The following CDCA5 variants were observed in gnomAD, a reference collection of about 807,000 sequenced individuals.
The protein encoded by CDCA5 is cell division cycle associated 5.
Under a neutral mutation model 25.7 loss-of-function variants are expected in CDCA5, and 14 were observed. The observed-to-expected ratio is 0.54, with a 90% CI of 0.36 to 0.85. CDCA5 has a LOEUF of 0.85. CDCA5 is among the 40% of genes least tolerant of loss of function. CDCA5 has a pLI of 0.01. For missense variants in CDCA5, 307 were observed against 324.5 expected, an observed-to-expected ratio of 0.95 and a Z score of 0.41; for synonymous variants, 127 against 128.7, an observed-to-expected ratio of 0.99 and a Z score of 0.09.
At chr11:65,070,944 C>CTTTTT (rs56999278) in intron 1 of CDCA5, among the ~76,000 whole-genome samples, 1 of 138,410 alleles carries the variant, frequency 7.2e-6, no homozygotes, top group African/African-American at 2.7e-5. Context: ...ATTTTCTTTT[C>CTTTTT]TTTTTTTTTT....
At chr11:65,066,451 C>G (rs1353981135) in exon 7 of CDCA5, 2 of 1,280,926 alleles carry the variant, frequency 1.6e-6, no homozygotes, top group Non-Finnish European at 2.0e-6. Context: ...AAGAGGAGAC[C>G]TGCCTTCCGG....
rs1489874907 is a variant in CDCA5 at position 65,083,109 on chromosome 11, C to A, written c.243+255G>T. The A allele has an allele frequency of 1.3e-5, 7 of 546,170 alleles. No individual in the cohort carries two copies. The African/African-American group carries it at 1.3e-4, about 10-fold the overall frequency. 33.8% of individuals were successfully genotyped at this position (546,170 alleles called of 1,614,324 possible). ...GGCATAATGGATTAGAAAGGCAGTA[C>A]GTGGAGTTAAGACATAGCTCAGCTT... On this transcript the variant is annotated intron_variant, in intron 4 of 5. Transcript: ENST00000275517.
chr11:65,078,940 T>TGCC lies in CDCA5; in HGVS notation c.*164_*166dup. 2 of 1,259,424 alleles carry TGCC rather than the reference T, an allele frequency of 1.6e-6. No individual in the cohort carries two copies. The highest frequency in any genetic ancestry group is 2.0e-6 in the Non-Finnish European group (2 of 1,003,954). The allele number at this position is 1,259,424 out of a possible 1,614,324, so 78.0% of individuals were successfully genotyped here. On this transcript the variant is annotated 3_prime_UTR_variant, in exon 6 of 6. Transcript: ENST00000275517. ...CCCCATTTCCTAAAACCAAGATGGCTGCCGCTGCTGCCCAAGCCCTCAAAG... is the reference window on the plus strand; with the variant it reads ...CCCCATTTCCTAAAACCAAGATGGCTGCCGCCGCTGCTGCCCAAGCCCTCAAAG...
At chr11:65,061,681 A>G (rs1196013215), downstream of CDCA5, among the ~76,000 whole-genome samples, 1 of 147,204 alleles carries the variant, frequency 6.8e-6, no homozygotes. Flanking sequence ...AGGCTGAGGC[A>G]GGAGAATGGC....
chr11:65,066,385 G>A (rs1947236365), exon 7 of CDCA5: 2 of 1,198,468 alleles, frequency 1.7e-6, no homozygotes, highest in African/African-American at 1.6e-5. Context: ...TCTGGCCTGG[G>A]GCCTGGCCAG....
At chr11:65,061,295 G>T in the CDCA5 span, among the ~76,000 whole-genome samples, 4 of 152,088 alleles carry the variant, frequency 2.6e-5, no homozygotes, top group African/African-American at 7.2e-5. Flanking sequence ...CTTGGAAATG[G>T]GTCCTCCAGC....
At position 65,079,796 on chromosome 11, in the gene CDCA5, G is replaced by A; in HGVS notation, c.244-9C>T. 1 of 1,459,278 alleles carries A rather than the reference G, an allele frequency of 6.9e-7. No homozygotes were observed. Among genetic ancestry groups the A allele is most frequent in the Non-Finnish European group, 9.1e-7 (1 of 1,103,534 alleles). 90.4% of individuals were successfully genotyped at this position (1,459,278 alleles called of 1,614,324 possible). ...TCCAAGAAAAAGGAAATCTGCACCA[G>A]GACAGAAGAGGGGATGCCCTCAATA... On this transcript the variant is annotated splice_polypyrimidine_tract_variant and intron_variant, in intron 4 of 5. Coordinates refer to ENST00000275517, the MANE Select transcript of CDCA5 (RefSeq NM_080668.4).
At chr11:65,062,711 C>G (rs1052315545), downstream of CDCA5, among the ~76,000 whole-genome samples, 2 of 152,124 alleles carry the variant, frequency 1.3e-5, no homozygotes, top group African/African-American at 4.8e-5. Context: ...GCAGGAAGAT[C>G]GCTTGAGTCC....
chr11:65,076,476 G>T (rs906492559), downstream of CDCA5, among the ~76,000 whole-genome samples: 2 of 152,186 alleles, frequency 1.3e-5, no homozygotes, highest in African/African-American at 4.8e-5. Context: ...AGAAAAAGAA[G>T]AGGAAGGTTT....
chr11:65,066,713 G>C (rs1337249124), intron 5 of CDCA5: 6 of 1,287,054 alleles, frequency 4.7e-6, no homozygotes, highest in Non-Finnish European at 6.1e-6. Context: ...GAGGTGGGTA[G>C]CCAGCCATGC....
rs1164938683 is a variant in CDCA5, at chr11:65,079,439, G to A, written c.592C>T (p.Pro198Ser). The change falls in exon 5 of 6, where the codon CCC (proline) becomes TCC (serine). Residue 198 changes from proline to serine, a missense_variant. By Grantham distance (74) the Pro-to-Ser change is moderately conservative (BLOSUM62 -1). Transcript: ENST00000275517. ...LTEVPRVCAKPWAPDMTLPGI... is the reference protein window; with the variant it reads ...LTEVPRVCAKSWAPDMTLPGI... ...GGGAGAGTCATGTCTGGGGCCCAGG[G>A]CTTTGCACAAACCCTGGGGACCTCG... is the stretch of plus-strand genomic sequence containing the variant. 2.5e-6 allele frequency: 4 copies of A among 1,614,106 alleles called. No homozygotes were observed. The Admixed American group carries it at 6.7e-5, about 27-fold the overall frequency.
At chr11:65,061,914 A>T (rs1648256537), downstream of CDCA5, among the ~76,000 whole-genome samples, 1 of 82,312 alleles carries the variant, frequency 1.2e-5, no homozygotes, top group African/African-American at 4.6e-5. Flanking sequence ...CAGCTGCCTA[A>T]TTTTTTTTTT....
chr11:65,067,794 G>C (rs1214330205), intron 3 of CDCA5: 1 of 1,211,924 alleles, frequency 8.3e-7, no homozygotes. Context: ...AGAGGGTCTA[G>C]GGGATGAGGG....
Position 65,077,630 on chromosome 11 carries a change from T to A in CDCA5, c.*1477A>T. ...GACATTTCCCAAGAGTTCTGCTGCA[T>A]CAGCCAGTGAGGACAAGAGTTCTTC... On this transcript the variant is annotated 3_prime_UTR_variant, in exon 6 of 6. Coordinates refer to ENST00000275517, the MANE Select transcript of CDCA5 (RefSeq NM_080668.4). 2 of 985,490 alleles carry A rather than the reference T, an allele frequency of 2.0e-6. No individual in the cohort carries two copies. The highest frequency in any genetic ancestry group is 2.4e-6 in the Non-Finnish European group (2 of 829,956). 61.0% of individuals were successfully genotyped at this position (985,490 alleles called of 1,614,324 possible). A position where few individuals can be genotyped will look rare whatever the true frequency, so the allele number is the denominator to read the frequency against.
At chr11:65,071,894 G>C in intron 1 of CDCA5, among the ~76,000 whole-genome samples, 1 of 152,298 alleles carries the variant, frequency 6.6e-6, no homozygotes, top group East Asian at 1.9e-4. Flanking sequence ...GTCCTGCTCT[G>C]CTGCTCATAG....
At chr11:65,062,157 T>C (rs1358536257), downstream of CDCA5, among the ~76,000 whole-genome samples, 8 of 152,106 alleles carry the variant, frequency 5.3e-5, no homozygotes, top group Admixed American at 5.2e-4. Flanking sequence ...CAACCTCAGG[T>C]GATCCGCCCG....
In CDCA5 at chr11:65,069,233, C is replaced by CT. The variant is rs1446615175; in HGVS notation, c.64-633dup. Among the ~76,000 whole-genome samples the CT allele has an allele frequency of 4.3e-5, 2 of 46,182 alleles. 1 individual carries two copies. Among genetic ancestry groups the CT allele is most frequent in the African/African-American group, 1.6e-4 (2 of 12,454 alleles). 30.3% of individuals were successfully genotyped at this position (46,182 alleles called of 152,430 possible). ...CCAGCCTGGGCTTCAGAGCGAGACT[C>CT]TCAAAAAAAAAAAAAAAAAAAAAGC... On this transcript the variant is annotated intron_variant, in intron 1 of 6. Coordinates refer to the CDCA5 transcript ENST00000525464.
downstream of CDCA5, among the ~76,000 whole-genome samples, chr11:65,061,386 C>T (rs1162997965): frequency 6.6e-6 from 1 of 152,202 alleles, no homozygotes; most frequent in Non-Finnish European, 1.5e-5. Context: ...CCAGTACCAC[C>T]CAACCAAGCC....
At chr11:65,071,435 CTTCCATG>C (rs1947341786) in intron 1 of CDCA5, among the ~76,000 whole-genome samples, 1 of 151,244 alleles carries the variant, frequency 6.6e-6, no homozygotes, top group African/African-American at 2.4e-5. Flanking sequence ...CAACCTCTGC[CTTCCATG>C]TTCAGGCAAT....
Sources: gnomAD v4.1 joint callset for allele counts (sites outside exome capture counted in the v4.1 genomes callset) on GRCh38, gnomAD v4.1.1 for gene constraint, MANE v1.5 for transcripts, NCBI Gene and HGNC (gene_info 2026-07-23, HGNC 2026-07-21) for gene names.